The following KRABD3 variants were observed in gnomAD, a reference collection of about 807,000 sequenced individuals.
KRABD3 encodes KRAB domain containing 3.
At chr7:149,731,494 C>T in the KRABD3 span, among the ~76,000 whole-genome samples, 7 of 152,234 alleles carry the variant, frequency 4.6e-5, no homozygotes, top group African/African-American at 4.8e-5. Flanking sequence ...CACACACACA[C>T]GCACCGCGGC....
At chr7:149,732,375 G>A in the KRABD3 span, among the ~76,000 whole-genome samples, 1 of 152,184 alleles carries the variant, frequency 6.6e-6, no homozygotes, top group African/African-American at 2.4e-5. This position sits in a 1 kb window ranked among gnomAD's most constrained non-coding sequence, Gnocchi z 4.0. Context: ...AACAGCGGTT[G>A]GGTCCTTTAG....
the KRABD3 span, among the ~76,000 whole-genome samples, chr7:149,725,020 A>G: frequency 1.3e-5 from 2 of 152,138 alleles, no homozygotes; most frequent in Non-Finnish European, 2.9e-5. Flanking sequence ...GCCTTTGTCC[A>G]AGCCCCCGCT....
chr7:149,730,148 G>T, the KRABD3 span: 1 of 1,514,620 alleles, frequency 6.6e-7, no homozygotes, highest in South Asian at 1.3e-5. Context: ...CCTGCCCAGG[G>T]TCTGCCCCCA....
the KRABD3 span, chr7:149,719,396 T>C: frequency 1.3e-6 from 1 of 757,916 alleles, no homozygotes. This position sits in a 1 kb window ranked among gnomAD's most constrained non-coding sequence, Gnocchi z 5.6. Context: ...CCCCCAGCAC[T>C]GTCTCTTGAG....
At chr7:149,721,303 G>C in the KRABD3 span, 10 of 1,493,054 alleles carry the variant, frequency 6.7e-6, no homozygotes, top group East Asian at 2.3e-4. Context: ...ACATGGCAAG[G>C]AAAGGACCCA....
the KRABD3 span, chr7:149,723,032 T>G: frequency 8.1e-7 from 1 of 1,237,712 alleles, no homozygotes; most frequent in Non-Finnish European, 1.1e-6. Context: ...TGCTCCAAAC[T>G]GTCTCCCTTA....
chr7:149,722,951 G>A, the KRABD3 span: 1 of 1,589,582 alleles, frequency 6.3e-7, no homozygotes, highest in Non-Finnish European at 8.5e-7. Context: ...AGCCCGCCCT[G>A]GGCAGGTGAG....
the KRABD3 span, chr7:149,733,450 G>C: frequency 3.1e-6 from 5 of 1,588,022 alleles, no homozygotes; most frequent in Non-Finnish European, 4.3e-6. Context: ...CCACCATGAG[G>C]ACCCAGGTGA....
the KRABD3 span, chr7:149,725,290 A>G: frequency 6.5e-7 from 1 of 1,547,704 alleles, no homozygotes; most frequent in East Asian, 2.4e-5. Flanking sequence ...GGGAGATGGT[A>G]ACAGGGTGCT....
the KRABD3 span, chr7:149,715,456 G>C: frequency 1.1e-5 from 8 of 698,760 alleles, no homozygotes; most frequent in Non-Finnish European, 1.4e-5. Flanking sequence ...GTTTTGTCTT[G>C]GGAAGCCTGC....
At chr7:149,723,820 C>T in the KRABD3 span, 1 of 1,613,956 alleles carries the variant, frequency 6.2e-7, no homozygotes, top group Non-Finnish European at 8.5e-7. Flanking sequence ...GGACAGGCAT[C>T]CCAGTCCCTC....
the KRABD3 span, among the ~76,000 whole-genome samples, chr7:149,716,845 C>T: frequency 3.3e-5 from 5 of 152,288 alleles, no homozygotes; most frequent in Admixed American, 1.3e-4. Flanking sequence ...TCATAGTCCC[C>T]GCATTTGTTC....
the KRABD3 span, chr7:149,723,848 G>A: frequency 6.8e-6 from 11 of 1,613,874 alleles, 1 homozygote; most frequent in East Asian, 2.2e-5. Flanking sequence ...GGGAACCGAC[G>A]GCTACAGGAG....
chr7:149,720,054 G>C, the KRABD3 span: 4 of 1,553,198 alleles, frequency 2.6e-6, no homozygotes, highest in Admixed American at 5.9e-5. Flanking sequence ...CACCCTCAGA[G>C]CCTGGAAGAG....
chr7:149,726,003 G>A, the KRABD3 span: 27 of 1,612,762 alleles, frequency 1.7e-5, no homozygotes, highest in Non-Finnish European at 2.3e-5. Flanking sequence ...CAGCAGCACC[G>A]ACTGGGACCT....
chr7:149,733,701 C>T, the KRABD3 span: 3 of 1,582,270 alleles, frequency 1.9e-6, no homozygotes, highest in Non-Finnish European at 2.6e-6. Context: ...CCGCTGCCTC[C>T]AGACGCTCCC....
the KRABD3 span, chr7:149,724,896 T>C: frequency 2.1e-6 from 3 of 1,452,542 alleles, no homozygotes; most frequent in Admixed American, 4.4e-5. Context: ...CATGGGCTTG[T>C]CAGTCCCTGG....
the KRABD3 span, chr7:149,715,404 G>A: frequency 1.8e-6 from 2 of 1,083,912 alleles, no homozygotes; most frequent in South Asian, 4.6e-5. Flanking sequence ...CGGGGGCTGG[G>A]GACGTGGAAA....
the KRABD3 span, chr7:149,720,872 G>T: frequency 6.2e-7 from 1 of 1,604,944 alleles, no homozygotes; most frequent in Non-Finnish European, 8.5e-7. Context: ...TCACAGCCCT[G>T]GTGCAGCTGG....
Sources: allele counts gnomAD v4.1 joint callset (sites outside exome capture counted in the v4.1 genomes callset), GRCh38; gene constraint gnomAD v4.1.1; non-coding constraint Gnocchi (gnomAD v3.1); transcripts MANE v1.5; gene names NCBI Gene and HGNC (gene_info 2026-07-23, HGNC 2026-07-21).